MAF: variants seen among roughly 807,000 people sequenced by gnomAD.
MAF encodes the protein MAF bZIP transcription factor, also known as transcription factor Maf.
A neutral mutation model predicts 22.0 loss-of-function variants in MAF; 10 were observed. The ratio of observed to expected loss-of-function variants is 0.45; its 90% confidence interval spans 0.28 to 0.77. The LOEUF (loss-of-function observed/expected upper bound fraction) is 0.77. Ranked by LOEUF, MAF falls within the 30% of genes least tolerant of loss-of-function variation. The pLI is 0.12. For missense variants in MAF, 544 were observed against 548.4 expected (o/e 0.99, Z 0.08); for synonymous variants, 337 against 255.8 (o/e 1.32, Z -3.03).
At chr16:79,348,851 GCTA>G in the MAF span, among the ~76,000 whole-genome samples, 7 of 152,162 alleles carry the variant, frequency 4.6e-5, no homozygotes, top group Non-Finnish European at 1.0e-4. Flanking sequence ...TTCTCGAGGG[GCTA>G]AATGGCAAGG....
chr16:79,351,980 T>C, the MAF span, among the ~76,000 whole-genome samples: 3 of 152,144 alleles, frequency 2.0e-5, no homozygotes, highest in African/African-American at 7.2e-5. Context: ...CATCCAGTGA[T>C]GGAAATGTCA....
chr16:79,499,515 T>C, the MAF span, among the ~76,000 whole-genome samples: 1 of 152,168 alleles, frequency 6.6e-6, no homozygotes, highest in African/African-American at 2.4e-5. Context: ...CAATCATCAA[T>C]GTGATGGTAT....
the MAF span, among the ~76,000 whole-genome samples, chr16:79,341,310 T>A: frequency 6.6e-5 from 10 of 152,206 alleles, no homozygotes; most frequent in African/African-American, 2.4e-4. Context: ...ACCTGTCTTG[T>A]ATAGCGCTAT....
At chr16:79,216,489 G>A in the MAF span, among the ~76,000 whole-genome samples, 1 of 152,116 alleles carries the variant, frequency 6.6e-6, no homozygotes, top group Non-Finnish European at 1.5e-5. Context: ...TATGACTATT[G>A]TTTCTTCCTT....
chr16:79,206,663 C>G, the MAF span: 2 of 152,128 alleles, frequency 1.3e-5, no homozygotes, highest in South Asian at 2.1e-4. Flanking sequence ...GTAGACATCT[C>G]TGTTCTCGTC....
the MAF span, among the ~76,000 whole-genome samples, chr16:79,469,027 A>G: frequency 6.6e-6 from 1 of 152,184 alleles, no homozygotes; most frequent in Non-Finnish European, 1.5e-5. Context: ...TCCTTATGCT[A>G]GCAGGCATTT....
At chr16:79,493,503 C>T in the MAF span, among the ~76,000 whole-genome samples, 1 of 152,058 alleles carries the variant, frequency 6.6e-6, no homozygotes, top group Non-Finnish European at 1.5e-5. Flanking sequence ...TTAGTAGAGA[C>T]AGGTTTTACC....
the MAF span, among the ~76,000 whole-genome samples, chr16:79,265,050 G>A: frequency 1.4e-3 from 219 of 152,274 alleles, no homozygotes; most frequent in African/African-American, 5.2e-3. Flanking sequence ...CTAATTTTAA[G>A]TCAAGTAATT....
chr16:79,447,322 C>T, the MAF span, among the ~76,000 whole-genome samples: 3 of 144,878 alleles, frequency 2.1e-5, no homozygotes, highest in African/African-American at 8.1e-5. Context: ...ACTGTTAAGA[C>T]CTACTGCTCA....
At chr16:79,556,077 T>A in the MAF span, among the ~76,000 whole-genome samples, 1 of 152,186 alleles carries the variant, frequency 6.6e-6, no homozygotes, top group South Asian at 2.1e-4. Flanking sequence ...TATATTTAGT[T>A]GTAATTTTAT....
the MAF span, among the ~76,000 whole-genome samples, chr16:79,502,728 T>TATAAATATAA: frequency 9.7e-6 from 1 of 103,346 alleles, no homozygotes; most frequent in Non-Finnish European, 1.8e-5. Flanking sequence ...TATATATATA[T>TATAAATATAA]ATATATATAT....
the MAF span, among the ~76,000 whole-genome samples, chr16:79,375,171 T>A: frequency 6.6e-6 from 1 of 152,206 alleles, no homozygotes; most frequent in African/African-American, 2.4e-5. Context: ...ATGGCTATTT[T>A]CAGAAGAAGC....
At chr16:79,409,829 A>G in the MAF span, among the ~76,000 whole-genome samples, 10 of 152,220 alleles carry the variant, frequency 6.6e-5, no homozygotes. Flanking sequence ...AATGTTCGAT[A>G]TCTGCACTAA....
At chr16:79,498,840 T>A in the MAF span, among the ~76,000 whole-genome samples, 1 of 152,232 alleles carries the variant, frequency 6.6e-6, no homozygotes. Context: ...TTATTCATTT[T>A]TTTATCCATC....
the MAF span, among the ~76,000 whole-genome samples, chr16:79,429,940 AAG>A: frequency 6.6e-6 from 1 of 152,058 alleles, no homozygotes; most frequent in East Asian, 1.9e-4. Context: ...GGGTGGAGCA[AAG>A]AGAGGAAAAA....
the MAF span, among the ~76,000 whole-genome samples, chr16:79,521,129 T>C: frequency 6.6e-6 from 1 of 152,204 alleles, no homozygotes; most frequent in African/African-American, 2.4e-5. Flanking sequence ...TTAGACGTTG[T>C]TGAGGAGGGC....
chr16:79,243,500 C>T, the MAF span, among the ~76,000 whole-genome samples: 1 of 151,980 alleles, frequency 6.6e-6, no homozygotes, highest in Non-Finnish European at 1.5e-5. Flanking sequence ...CATACACCCT[C>T]CCAAGTCTAA....
chr16:79,547,096 G>A, the MAF span, among the ~76,000 whole-genome samples: 125 of 152,184 alleles, frequency 8.2e-4, 1 homozygote, highest in East Asian at 0.019. Context: ...GAAATCAGAC[G>A]TATCTAGCAC....
the MAF span, among the ~76,000 whole-genome samples, chr16:79,332,646 C>T: frequency 6.6e-6 from 1 of 152,184 alleles, no homozygotes; most frequent in Non-Finnish European, 1.5e-5. Flanking sequence ...TGCTACATGC[C>T]AGACAATGTG....
Sources: gnomAD v4.1 joint callset for allele counts (sites outside exome capture counted in the v4.1 genomes callset) on GRCh38, gnomAD v4.1.1 for gene constraint, MANE v1.5 for transcripts, NCBI Gene and HGNC (gene_info 2026-07-23, HGNC 2026-07-21) for gene names.